AUH: variants seen among roughly 807,000 people sequenced by gnomAD.
AUH encodes the protein methylglutaconyl-CoA hydratase, mitochondrial.
AUH carries 29 observed loss-of-function variants against 42.3 expected under a neutral mutation model. The ratio of observed to expected loss-of-function variants is 0.69; its 90% CI spans 0.51 to 0.93. The LOEUF is 0.93. AUH is among the 40% of genes least tolerant of loss of function. AUH has a pLI of 0.00. For missense variants in AUH, 452 were observed against 438.1 expected (o/e 1.03, Z -0.28); for synonymous variants, 174 against 166.4 (o/e 1.05, Z -0.35).
chr9:91,249,320 A>AAAAAC (rs1828990212), intron 6 of AUH, among the ~76,000 whole-genome samples: 2 of 148,870 alleles, frequency 1.3e-5, no homozygotes, highest in Non-Finnish European at 3.0e-5. Flanking sequence ...AAAAAAAAAA[A>AAAAAC]AAAGAACACA....
intron 6 of AUH, among the ~76,000 whole-genome samples, chr9:91,280,207 G>C (rs1488688016): frequency 6.6e-6 from 1 of 151,632 alleles, no homozygotes; most frequent in Non-Finnish European, 1.5e-5. Context: ...TAACTTCCTT[G>C]ATTAACTTTC....
intron 6 of AUH, among the ~76,000 whole-genome samples, chr9:91,258,141 G>C (rs1275046288): frequency 6.6e-6 from 1 of 152,176 alleles, no homozygotes; most frequent in Non-Finnish European, 1.5e-5. Context: ...AGTTCCAAAA[G>C]TGTTTTGGTA....
At chr9:91,311,277 A>G (rs1007601802) in intron 4 of AUH, among the ~76,000 whole-genome samples, 1 of 152,234 alleles carries the variant, frequency 6.6e-6, no homozygotes, top group Admixed American at 6.5e-5. Flanking sequence ...ATTGTTAAAT[A>G]CATGAATTTT....
At chr9:91,215,317 C>T (rs1206731195) in intron 9 of AUH, among the ~76,000 whole-genome samples, 2 of 152,056 alleles carry the variant, frequency 1.3e-5, no homozygotes, top group African/African-American at 4.8e-5. Context: ...CCTGCAGATG[C>T]CAAAATCTGC....
rs202068343 is a variant in AUH, at chr9:91,270,086, T to C, written c.655+25935A>G. 6.6e-5 allele frequency among the ~76,000 whole-genome samples: 10 copies of C among 152,326 alleles called. No individual in the cohort carries two copies. In the East Asian group the frequency reaches 1.3e-3, roughly 21 times the overall value. ...TTAGATTTTAAAAGGATATGCTTCT[T>C]AAGCCAATTAAAGTTCCTGTGAAGG... On this transcript the variant is annotated intron_variant, in intron 6 of 9. Transcript: ENST00000375731.
chr9:91,290,908 C>T (rs777967926), intron 6 of AUH, among the ~76,000 whole-genome samples: 17 of 152,150 alleles, frequency 1.1e-4, no homozygotes, highest in Non-Finnish European at 1.9e-4. Flanking sequence ...ACCAAAAAGT[C>T]GCTGTATTCA....
intron 4 of AUH, among the ~76,000 whole-genome samples, chr9:91,300,821 G>A (rs1435056930): frequency 6.6e-6 from 1 of 152,092 alleles, no homozygotes; most frequent in African/African-American, 2.4e-5. Context: ...TGTATACAAG[G>A]TGCAGCTCTG....
At chr9:91,287,645 A>C (rs1335778002) in intron 6 of AUH, among the ~76,000 whole-genome samples, 1 of 152,174 alleles carries the variant, frequency 6.6e-6, no homozygotes, top group African/African-American at 2.4e-5. Flanking sequence ...AGTGTTATAG[A>C]AAACAAAAAA....
intron 6 of AUH, among the ~76,000 whole-genome samples, chr9:91,284,940 C>G (rs1025382359): frequency 3.9e-5 from 6 of 152,160 alleles, no homozygotes; most frequent in African/African-American, 1.4e-4. Flanking sequence ...CACCATTTGA[C>G]CCAGCCATCC....
intron 6 of AUH, among the ~76,000 whole-genome samples, chr9:91,237,077 A>T (rs957513811): frequency 1.3e-5 from 2 of 152,248 alleles, no homozygotes; most frequent in African/African-American, 4.8e-5. Context: ...TGAATCTATC[A>T]GCTACAGATT....
intron 3 of AUH, among the ~76,000 whole-genome samples, chr9:91,334,083 T>C (rs1830523626): frequency 6.6e-6 from 1 of 152,134 alleles, no homozygotes; most frequent in Non-Finnish European, 1.5e-5. Flanking sequence ...CCTAGAAACA[T>C]CCCAGCCCCA....
chr9:91,354,154 G>A (rs1019119694), intron 3 of AUH, among the ~76,000 whole-genome samples: 4 of 151,280 alleles, frequency 2.6e-5, no homozygotes, highest in Non-Finnish European at 5.9e-5. Flanking sequence ...GGCAACAAGC[G>A]TGAAAGTCCG....
chr9:91,289,465 G>A (rs1337529996), intron 6 of AUH, among the ~76,000 whole-genome samples: 1 of 152,194 alleles, frequency 6.6e-6, no homozygotes, highest in Non-Finnish European at 1.5e-5. Context: ...CCTGCAGAGT[G>A]CACCCCTGGC....
At chr9:91,278,222 G>A (rs921713314) in intron 6 of AUH, among the ~76,000 whole-genome samples, 2 of 152,162 alleles carry the variant, frequency 1.3e-5, no homozygotes, top group African/African-American at 4.8e-5. Context: ...TAGTCACAAA[G>A]TCCTACTTTA....
chr9:91,361,681 T>C lies in AUH; in HGVS notation c.209A>G (p.Glu70Gly), dbSNP rs996999066. 6.3e-7 allele frequency: 1 copy of C among 1,576,436 alleles called. No homozygotes were observed. Among genetic ancestry groups the C allele is most frequent in the South Asian group, 1.2e-5 (1 of 86,098 alleles). ...CCGCAGCTCGTCCTCCGTCTTCATC[T>C]CAGAGCTGTAGCCCCTTTTCGGGGC... is the stretch of plus-strand genomic sequence containing the variant. ...GPAPKRGYSS[E>G]MKTEDELRVR... The change falls in exon 1 of 10, where the codon GAG becomes GGG. Residue 70 changes from glutamate (E) to glycine (G), a missense_variant. Glu to Gly is a moderately conservative substitution (Grantham distance 98). Coordinates refer to ENST00000375731, the MANE Select transcript of AUH (RefSeq NM_001698.3).
intron 6 of AUH, among the ~76,000 whole-genome samples, chr9:91,273,563 A>T (rs1253779404): frequency 1.3e-5 from 2 of 152,258 alleles, no homozygotes; most frequent in African/African-American, 4.8e-5. Context: ...AGATTTCTGC[A>T]ATATCAACTG....
At chr9:91,281,450 T>A (rs1286276412) in intron 6 of AUH, among the ~76,000 whole-genome samples, 2 of 152,188 alleles carry the variant, frequency 1.3e-5, no homozygotes, top group Non-Finnish European at 2.9e-5. Context: ...AACAGGCCTC[T>A]GGAAGGCAGG....
chr9:91,294,002 A>G (rs748946577), intron 6 of AUH, among the ~76,000 whole-genome samples: 14 of 152,236 alleles, frequency 9.2e-5, no homozygotes, highest in Non-Finnish European at 1.9e-4. Flanking sequence ...TGCTTTATAA[A>G]TGGAACAAAT....
intron 3 of AUH, among the ~76,000 whole-genome samples, chr9:91,330,310 A>T (rs1830238022): frequency 6.6e-6 from 1 of 152,206 alleles, no homozygotes; most frequent in African/African-American, 2.4e-5. Flanking sequence ...TACTGAAATA[A>T]AGAAGCCCCA....
Sources: allele counts gnomAD v4.1 joint callset (sites outside exome capture counted in the v4.1 genomes callset), GRCh38; gene constraint gnomAD v4.1.1; transcripts MANE v1.5; gene names NCBI Gene and HGNC (gene_info 2026-07-23, HGNC 2026-07-21).